Variants in CFAP46 observed in about 807,000 individuals in gnomAD.
The protein encoded by CFAP46 is cilia and flagella associated protein 46.
Under a neutral mutation model 325.7 loss-of-function variants are expected in CFAP46, and 245 were observed. That is an observed-to-expected ratio of 0.75 (90% CI 0.68 to 0.84). The LOEUF (loss-of-function observed/expected upper bound fraction) is 0.84, where lower values mean the gene tolerates loss of function less well. Among genes scored for constraint, CFAP46 ranks in the 40% least tolerant of loss-of-function variants. The pLI is 0.00. For synonymous variants in CFAP46, 1,523 were observed against 1,495.9 expected (o/e 1.02, Z -0.42); for missense variants, 3,346 against 3,543.0 (o/e 0.94, Z 1.41).
chr10:132,808,443 G>A lies in CFAP46; in HGVS notation c.8126C>T (p.Thr2709Ile). The change falls in exon 58 of 58, where the codon ACC (threonine) becomes ATC (isoleucine). Residue 2709 changes from threonine to isoleucine, a missense_variant. Thr to Ile is a moderately conservative substitution (Grantham distance 89, BLOSUM62 -1). Transcript: ENST00000368586. The surrounding 1 kb of genome is among the most constrained non-coding windows in gnomAD (Gnocchi z 6.8). Reference sequence around the variant, plus strand: ...CACTCAAATCAAAAACAGGCTCACGGTCTGAATAGTCTTCTGGTCTAAGCA... The same window carrying A: ...CACTCAAATCAAAAACAGGCTCACGATCTGAATAGTCTTCTGGTCTAAGCA... ...LSCLDQKTIQ[T>I]VSLFLI The A allele has an allele frequency of 6.2e-7, 1 of 1,610,412 alleles. No individual in the cohort carries two copies. Among genetic ancestry groups the A allele is most frequent in the Non-Finnish European group, 8.5e-7 (1 of 1,177,714 alleles).
rs138825163 is a variant in CFAP46, at chr10:132,810,999, G to C, written c.7534C>G (p.Arg2512Gly). 75 of 1,606,886 alleles carry C rather than the reference G, an allele frequency of 4.7e-5. No homozygotes were observed. In the African/African-American group the frequency reaches 9.1e-4, roughly 19 times the overall value. Residue 2512 changes from arginine (R) to glycine (G), a missense_variant, in exon 56 of 58, where the codon CGG (arginine) becomes GGG (glycine). Arg to Gly is a moderately radical substitution (Grantham distance 125). Transcript: ENST00000368586. ...TGCCTCTTCAAGCTCTGGTAGGACC[G>C]CGCCAGGTCCAGCAGGACTGCCACC... is the stretch of plus-strand genomic sequence containing the variant. ...CQVAVLLDLA[R>G]SYQSLKRHME...
intron 44 of CFAP46, among the ~76,000 whole-genome samples, chr10:132,837,237 G>A (rs140042594): frequency 0.018 from 2,707 of 152,318 alleles, 71 homozygotes; most frequent in African/African-American, 0.059. Context: ...ATTCTCCAGC[G>A]CCGCCTCTGT....
intron 35 of CFAP46, among the ~76,000 whole-genome samples, chr10:132,864,640 C>G (rs1364389584): frequency 2.2e-4 from 6 of 27,384 alleles, no homozygotes; most frequent in African/African-American, 6.2e-4. Flanking sequence ...ACCTGTCCCC[C>G]TGCCTGAGAC....
Position 132,847,557 on chromosome 10 carries a change from T to G in CFAP46, c.5953-236A>C, listed in dbSNP as rs1848461132. 6.6e-6 allele frequency among the ~76,000 whole-genome samples: 1 copy of G among 151,920 alleles called. No homozygotes were observed. Among genetic ancestry groups the G allele is most frequent in the Non-Finnish European group, 1.5e-5 (1 of 67,936 alleles). On this transcript the variant is annotated intron_variant, in intron 41 of 57. Coordinates refer to ENST00000368586, the MANE Select transcript of CFAP46 (RefSeq NM_001200049.3). This position sits in a 1 kb window ranked among gnomAD's most constrained non-coding sequence, Gnocchi z 5.2. ...GGACGCTGGAGCCTGGGCGAGGGGA[T>G]GCTGCAGCCAGGGTGAGGACGCAGA...
intron 50 of CFAP46, among the ~76,000 whole-genome samples, chr10:132,822,555 T>G (rs61720706): frequency 7.4e-6 from 1 of 134,954 alleles, no homozygotes; most frequent in Non-Finnish European, 1.6e-5. Context: ...GTGCTGTGTG[T>G]GCGCTGATGT....
At position 132,828,945 on chromosome 10, in the gene CFAP46, C is replaced by T. The variant is rs866482049; in HGVS notation, c.7117+4413G>A. ...CCCTGGGTCTACACGGCTACCGTCACGCCTGCGCTCCACTGTATCAATACT... is the reference window on the plus strand; with the variant it reads ...CCCTGGGTCTACACGGCTACCGTCATGCCTGCGCTCCACTGTATCAATACT... On this transcript the variant is annotated intron_variant, in intron 50 of 57. Coordinates refer to ENST00000368586, the MANE Select transcript of CFAP46 (RefSeq NM_001200049.3). The surrounding 1 kb of genome is among the most constrained non-coding windows in gnomAD (Gnocchi z 4.9). 3.3e-5 allele frequency among the ~76,000 whole-genome samples: 5 copies of T among 152,156 alleles called. No homozygotes were observed. The highest frequency in any genetic ancestry group is 5.9e-5 in the Non-Finnish European group (4 of 68,030).
At chr10:132,887,573 C>T (rs1298791055) in intron 25 of CFAP46, among the ~76,000 whole-genome samples, 3 of 57,648 alleles carry the variant, frequency 5.2e-5, no homozygotes, top group African/African-American at 2.3e-4. Context: ...CTCTCCTCTC[C>T]TCTCCCCTCT....
rs546891811 is a variant in CFAP46 at position 132,846,954 on chromosome 10, C to G, written c.6245G>C (p.Cys2082Ser). The G allele has an allele frequency of 5.3e-5, 86 of 1,610,588 alleles. No individual in the cohort carries two copies. The highest frequency in any genetic ancestry group is 7.0e-5 in the Non-Finnish European group (82 of 1,179,526). Residue 2082 changes from cysteine (C) to serine (S), a missense_variant, in exon 43 of 58, where the codon TGC (cysteine) becomes TCC (serine). By Grantham distance (112) the Cys-to-Ser change is moderately radical. Coordinates refer to ENST00000368586, the MANE Select transcript of CFAP46 (RefSeq NM_001200049.3). ...CACCTGAGACAGAGCCAGGAACTGG[C>G]AGGTAGTTGCAGGGTCCAGGGTGCC... is the stretch of plus-strand genomic sequence containing the variant. Reference protein sequence around the residue: ...CVGTLDPATTCQFLALSQSCS... With the variant: ...CVGTLDPATTSQFLALSQSCS...
chr10:132,843,809 G>C (rs7091321), intron 44 of CFAP46, among the ~76,000 whole-genome samples: 4,168 of 92,728 alleles, frequency 0.045, 167 homozygotes, highest in African/African-American at 0.18. Context: ...GTCTCGGTGG[G>C]TGTTCCCAGG....
rs759980614 is a variant in CFAP46 at position 132,808,811 on chromosome 10, G to A, written c.7758C>T (p.Ala2586=). The change falls in exon 58 of 58, where the codon GCC becomes GCT. Residue 2586 remains alanine (A), a synonymous_variant. Coordinates refer to ENST00000368586, the MANE Select transcript of CFAP46 (RefSeq NM_001200049.3). The surrounding 1 kb of genome is among the most constrained non-coding windows in gnomAD (Gnocchi z 6.8). ...CCTGCACTACCCGATGGCTTGGTGC[G>A]GCAGCCCATACAGGACCAAGTTGAG... The part of the protein sequence containing the change: ...HHAQLGPVWA[A]APSHRVVQAW... The A allele has an allele frequency of 1.9e-5, 30 of 1,608,378 alleles. No individual in the cohort carries two copies. The highest frequency in any genetic ancestry group is 9.3e-5 in the African/African-American group (7 of 74,966).
In CFAP46 at chr10:132,850,237, C is replaced by T. The variant is rs1467798396; in HGVS notation, c.5952+7G>A. The T allele has an allele frequency of 2.6e-6, 4 of 1,550,242 alleles. No homozygotes were observed. Among genetic ancestry groups the T allele is most frequent in the Admixed American group, 2.0e-5 (1 of 50,958 alleles). On this transcript the variant is annotated splice_region_variant and intron_variant, in intron 41 of 57. Transcript: ENST00000368586. The stretch of plus-strand genomic sequence containing the variant: ...GCCAGACTTGGGATAGAAGCAGGAG[C>T]ACCTACCGAGGGGCCCGCCTCCCAG...
At chr10:132,932,997 T>C (rs760806875) in intron 8 of CFAP46, among the ~76,000 whole-genome samples, 3 of 152,220 alleles carry the variant, frequency 2.0e-5, no homozygotes, top group Non-Finnish European at 4.4e-5. Flanking sequence ...CATTGCCAAA[T>C]GTCCTTGGGG....
intron 26 of CFAP46, 60 bp downstream of exon 26, chr10:132,885,761 G>A (rs1457308448): frequency 1.5e-5 from 23 of 1,485,960 alleles, no homozygotes; most frequent in Middle Eastern, 2.3e-4. Context: ...ACTCACAGGC[G>A]GTGGGGGGAG....
chr10:132,880,320 G>A (rs1849020910), intron 28 of CFAP46, among the ~76,000 whole-genome samples: 1 of 152,218 alleles, frequency 6.6e-6, no homozygotes, highest in African/African-American at 2.4e-5. Context: ...GGCCGCCATT[G>A]TCTGCCCAGG....
chr10:132,866,716 C>T (rs1848817935), intron 34 of CFAP46, among the ~76,000 whole-genome samples: 1 of 152,222 alleles, frequency 6.6e-6, no homozygotes, highest in Non-Finnish European at 1.5e-5. Flanking sequence ...GATCCAGGTC[C>T]TGTGCTGAGC....
chr10:132,881,131 C>T, intron 27 of CFAP46, 99 bp from the exon 28 acceptor site: 2 of 1,186,002 alleles, frequency 1.7e-6, no homozygotes, highest in Admixed American at 2.1e-5. Context: ...ACAAGAAAAG[C>T]TTCATTCTTA....
chr10:132,890,555 G>A (rs1039701060), intron 25 of CFAP46, among the ~76,000 whole-genome samples: 2 of 152,204 alleles, frequency 1.3e-5, no homozygotes, highest in East Asian at 1.9e-4. Flanking sequence ...CCAGAGGAGC[G>A]GGTAGGGATT....
chr10:132,814,160 G>A lies in CFAP46; in HGVS notation c.7380C>T (p.His2460=). 1.2e-6 allele frequency: 2 copies of A among 1,613,556 alleles called. No individual in the cohort carries two copies. The highest frequency in any genetic ancestry group is 1.7e-6 in the Non-Finnish European group (2 of 1,179,736). Reference sequence around the variant, plus strand: ...GGAGCCCAGATCCGAACCTGGGAAAGTGCTTGCTTCCCAGATGTCCCGCCC... The same window carrying A: ...GGAGCCCAGATCCGAACCTGGGAAAATGCTTGCTTCCCAGATGTCCCGCCC... ...SRWAGHLGSK[H]FPSQAQWEQA... Residue 2460 remains histidine (H), a synonymous_variant, in exon 54 of 58, where the codon CAC becomes CAT. Coordinates refer to ENST00000368586, the MANE Select transcript of CFAP46 (RefSeq NM_001200049.3).
chr10:132,841,700 C>T (rs1353788944), intron 44 of CFAP46, among the ~76,000 whole-genome samples: 5 of 152,318 alleles, frequency 3.3e-5, no homozygotes, highest in Non-Finnish European at 5.9e-5. Flanking sequence ...GCCACGTGGC[C>T]GTGGCCAATG....
Sources: gnomAD v4.1 joint callset for allele counts (sites outside exome capture counted in the v4.1 genomes callset) on GRCh38, gnomAD v4.1.1 for gene constraint, Gnocchi (gnomAD v3.1) non-coding constraint, MANE v1.5 for transcripts, NCBI Gene and HGNC (gene_info 2026-07-23, HGNC 2026-07-21) for gene names.